The following DGKI variants were observed in gnomAD, a reference collection of about 807,000 sequenced individuals.
DGKI encodes the protein DAG kinase iota.
In DGKI, 55 loss-of-function variants were observed where a neutral mutation model predicts 147.5. The observed-to-expected ratio is 0.37, with a 90% CI of 0.30 to 0.47. The LOEUF is 0.47. DGKI is among the 20% of genes least tolerant of loss of function. DGKI has a pLI of 1.00. For synonymous variants in DGKI, 469 were observed against 477.1 expected, an observed-to-expected ratio of 0.98 and a Z score of 0.22; for missense variants, 1,007 against 1,323.8, an observed-to-expected ratio of 0.76 and a Z score of 3.71.
At chr7:137,426,729 A>C (rs962873629) in intron 28 of DGKI, among the ~76,000 whole-genome samples, 4 of 151,618 alleles carry the variant, frequency 2.6e-5, no homozygotes, top group Non-Finnish European at 5.9e-5. Context: ...TGGAAAACAA[A>C]AAAAGGCAGG....
intron 3 of DGKI, among the ~76,000 whole-genome samples, chr7:137,663,783 A>T (rs1822530783): frequency 6.6e-6 from 1 of 152,114 alleles, no homozygotes; most frequent in African/African-American, 2.4e-5. Context: ...AGAGGTGGAG[A>T]TTTCTCTGTG....
chr7:137,836,753 A>G (rs1798394637), intron 1 of DGKI, among the ~76,000 whole-genome samples: 1 of 152,218 alleles, frequency 6.6e-6, no homozygotes, highest in African/African-American at 2.4e-5. Context: ...GGAAAGCTCA[A>G]TCTTGGCCTC....
intron 23 of DGKI, among the ~76,000 whole-genome samples, chr7:137,479,728 C>A (rs755859702): frequency 2.0e-5 from 3 of 152,094 alleles, no homozygotes; most frequent in South Asian, 2.1e-4. Flanking sequence ...GCTTGGGAAT[C>A]CCTGCCTCAT....
intron 1 of DGKI, among the ~76,000 whole-genome samples, chr7:137,827,660 G>A (rs1002578512): frequency 6.6e-6 from 1 of 152,170 alleles, no homozygotes; most frequent in Non-Finnish European, 1.5e-5. Context: ...TATGCCCGCT[G>A]CTTTACCTTT....
At chr7:137,533,151 C>T (rs554946895) in intron 20 of DGKI, among the ~76,000 whole-genome samples, 3 of 151,934 alleles carry the variant, frequency 2.0e-5, no homozygotes, top group East Asian at 1.9e-4. Flanking sequence ...TAAATAAGCA[C>T]GGTGGCATGC....
At chr7:137,797,068 A>G (rs1209561012) in intron 1 of DGKI, among the ~76,000 whole-genome samples, 1 of 152,202 alleles carries the variant, frequency 6.6e-6, no homozygotes, top group Non-Finnish European at 1.5e-5. Context: ...GCAAGAGAAA[A>G]ATAATATGCC....
chr7:137,577,550 G>A lies in DGKI; in HGVS notation c.1699-266C>T, dbSNP rs116233265. Among the ~76,000 whole-genome samples the A allele has an allele frequency of 6.3e-3, 959 of 152,296 alleles. 14 individuals are homozygous for A. The highest frequency in any genetic ancestry group is 0.022 in the African/African-American group (903 of 41,568). ...TAGACAATTCTGAGGGTCATTGGAA[G>A]GTTTATTTTGACAACCTTTTCTGAA... is the stretch of plus-strand genomic sequence containing the variant. On this transcript the variant is annotated intron_variant, in intron 16 of 32. Coordinates refer to ENST00000614521, the MANE Select transcript of DGKI (RefSeq NM_001321708.2).
rs3046570 is a variant in DGKI at position 137,406,930 on chromosome 7, CAA to C, written c.2920+943_2920+944del. Among the ~76,000 whole-genome samples, 15 of 92,548 alleles carry C rather than the reference CAA, an allele frequency of 1.6e-4. 1 individual carries two copies. Among genetic ancestry groups the C allele is most frequent in the South Asian group, 9.4e-4 (2 of 2,118 alleles). 60.7% of individuals were successfully genotyped at this position (92,548 alleles called of 152,430 possible). ...GGAATAAGACATACTTGCTGAATTG[CAA>C]AAAAAAAAAAAAAAAAGGAGCAAAA... On this transcript the variant is annotated intron_variant, in intron 30 of 32. Coordinates refer to ENST00000614521, the MANE Select transcript of DGKI (RefSeq NM_001321708.2).
intron 21 of DGKI, among the ~76,000 whole-genome samples, chr7:137,498,129 CAGAGAATAAAAGAGTACAAA>C (rs568859505): frequency 6.6e-6 from 1 of 151,318 alleles, no homozygotes; most frequent in Admixed American, 6.6e-5. Context: ...GAACCTCATT[CAGAGAATAAAAGAGTACAAA>C]ACCCTTTGAA....
chr7:137,517,444 C>T (rs1390594190), intron 21 of DGKI, among the ~76,000 whole-genome samples: 5 of 151,658 alleles, frequency 3.3e-5, no homozygotes, highest in East Asian at 3.9e-4. Context: ...AAAGAAAGAA[C>T]GCTGAGAAAC....
At chr7:137,395,932 A>C (rs1337337791) in intron 31 of DGKI, 1 of 494,320 alleles carries the variant, frequency 2.0e-6, no homozygotes, top group African/African-American at 1.9e-5. Context: ...GTGTTGATTA[A>C]GTTTAGTAAT....
chr7:137,760,090 T>C (rs1795812595), intron 1 of DGKI, among the ~76,000 whole-genome samples: 1 of 152,130 alleles, frequency 6.6e-6, no homozygotes, highest in African/African-American at 2.4e-5. Context: ...GTGCCTCCAG[T>C]CACAGAGGAG....
chr7:137,435,609 C>G (rs538859191), intron 28 of DGKI, among the ~76,000 whole-genome samples: 17 of 151,946 alleles, frequency 1.1e-4, no homozygotes, highest in African/African-American at 4.1e-4. Context: ...TTTTTTACAA[C>G]GGGGATTCTA....
chr7:137,590,933 A>T (rs1160025940), intron 12 of DGKI, among the ~76,000 whole-genome samples: 3 of 152,146 alleles, frequency 2.0e-5, no homozygotes, highest in Non-Finnish European at 2.9e-5. Context: ...CCTGAGCTCA[A>T]AGTGATCCGC....
rs1462836804 is a variant in DGKI, at chr7:137,631,232, T to G, written c.805-7678A>C. 3.9e-5 allele frequency among the ~76,000 whole-genome samples: 6 copies of G among 152,366 alleles called. 1 individual carries two copies. Among genetic ancestry groups the G allele is most frequent in the Admixed American group, 3.9e-4 (6 of 15,302 alleles). The stretch of plus-strand genomic sequence containing the variant: ...GTAAACATAGACTATTTTGCTATAC[T>G]AGTTCCCAGACAACTGAGAAGGAGA... On this transcript the variant is annotated intron_variant, in intron 6 of 32. Coordinates refer to ENST00000614521, the MANE Select transcript of DGKI (RefSeq NM_001321708.2).
chr7:137,561,341 C>A (rs778812531), intron 19 of DGKI, among the ~76,000 whole-genome samples: 1 of 151,964 alleles, frequency 6.6e-6, no homozygotes, highest in African/African-American at 2.4e-5. Context: ...CACACATTCT[C>A]GTTAATTTGT....
In DGKI at chr7:137,620,023, A is replaced by ACACGCG. The variant is rs539694141; in HGVS notation, c.877-84_877-83insCGCGTG. 5.0e-6 allele frequency: 3 copies of ACACGCG among 595,854 alleles called. No homozygotes were observed. In the African/African-American group the frequency reaches 1.2e-4, roughly 23 times the overall value. The allele number at this position is 595,854 out of a possible 1,614,324, so 36.9% of individuals were successfully genotyped here. A position where few individuals can be genotyped will look rare whatever the true frequency, so the allele number is the denominator to read the frequency against. ...AAGGGATAAATATGTACACACGCAC[A>ACACGCG]CACACACACACACACACACACACAC... On this transcript the variant is annotated intron_variant, in intron 7 of 32. Coordinates refer to ENST00000614521, the MANE Select transcript of DGKI (RefSeq NM_001321708.2).
At chr7:137,599,782 C>T (rs1340938543) in intron 11 of DGKI, 41 bp downstream of exon 11, 3 of 1,588,742 alleles carry the variant, frequency 1.9e-6, no homozygotes, top group East Asian at 2.2e-5. Flanking sequence ...TCTCACTTGC[C>T]TAAAATACAT....
chr7:137,699,040 T>C (rs1823888311), intron 1 of DGKI, among the ~76,000 whole-genome samples: 1 of 152,236 alleles, frequency 6.6e-6, no homozygotes. Context: ...AACAGACATT[T>C]ATTTCTCACA....
Sources: allele counts gnomAD v4.1 joint callset (sites outside exome capture counted in the v4.1 genomes callset), GRCh38; gene constraint gnomAD v4.1.1; transcripts MANE v1.5; gene names NCBI Gene and HGNC (gene_info 2026-07-23, HGNC 2026-07-21).